SPINK5: variants seen among roughly 807,000 people sequenced by gnomAD.
SPINK5 encodes serine protease inhibitor Kazal-type 5.
SPINK5 carries 125 observed loss-of-function variants against 151.8 expected under a neutral mutation model. The observed-to-expected ratio is 0.82, with a 90% CI of 0.71 to 0.96. The LOEUF (loss-of-function observed/expected upper bound fraction) is 0.96, where lower values mean the gene tolerates loss of function less well. Ranked by LOEUF, SPINK5 falls within the 40% of genes least tolerant of loss-of-function variation. The pLI is 0.00. For missense variants in SPINK5, 1,194 were observed against 1,291.9 expected, an observed-to-expected ratio of 0.92 and a Z score of 1.16; for synonymous variants, 374 against 395.3, an observed-to-expected ratio of 0.95 and a Z score of 0.64.
intron 25 of SPINK5, 34 bp from the exon 26 acceptor site, chr5:148,120,261 C>CT: frequency 6.2e-7 from 1 of 1,604,974 alleles, no homozygotes; most frequent in Non-Finnish European, 8.5e-7. Flanking sequence ...CGTTTGTTCA[C>CT]TTTGATTGAA....
chr5:148,072,259 G>T (rs1278354653), intron 4 of SPINK5, 39 bp downstream of exon 4: 1 of 1,587,108 alleles, frequency 6.3e-7, no homozygotes, highest in Non-Finnish European at 8.6e-7. Context: ...CTTTTGAGAG[G>T]ATGTTTGACT....
intron 27 of SPINK5, 50 bp downstream of exon 27, chr5:148,124,010 G>T (rs1190446762): frequency 3.4e-5 from 54 of 1,607,942 alleles, no homozygotes; most frequent in Non-Finnish European, 4.4e-5. Flanking sequence ...CTGTTTGCTA[G>T]AAATTAGTTT....
At position 148,125,840 on chromosome 5, in the gene SPINK5, A is replaced by G. The variant is rs1470686508; in HGVS notation, c.2857A>G (p.Arg953Gly). Reference protein sequence around the residue: ...KFYTNKCYMCRAVFLTEALER... With the variant: ...KFYTNKCYMCGAVFLTEALER... ...CTATACAAACAAGTGCTACATGTGCAGAGCTGTCTTGTGAGTAAGAGGATT... is the reference window on the plus strand; with the variant it reads ...CTATACAAACAAGTGCTACATGTGCGGAGCTGTCTTGTGAGTAAGAGGATT... Residue 953 changes from arginine (R) to glycine (G), a missense_variant, in exon 29 of 33, where the codon AGA (arginine) becomes GGA (glycine). Coordinates refer to ENST00000256084, the MANE Select transcript of SPINK5 (RefSeq NM_006846.4). 1 of 1,614,112 alleles carries G rather than the reference A, an allele frequency of 6.2e-7. No individual in the cohort carries two copies. Among genetic ancestry groups the G allele is most frequent in the African/African-American group, 1.3e-5 (1 of 74,944 alleles).
At chr5:148,078,548 AATAAATTTTAATATATTAAAATCATATAT>A (rs1488319330) in intron 4 of SPINK5, among the ~76,000 whole-genome samples, 1 of 150,934 alleles carries the variant, frequency 6.6e-6, no homozygotes, top group Non-Finnish European at 1.5e-5. Context: ...GTACAAACAT[AATAAATTTTAATATATTAAAATCATATAT>A]AGTATTTTTT....
chr5:148,099,342 T>A, intron 12 of SPINK5, 27 bp downstream of exon 12: 1 of 1,600,304 alleles, frequency 6.2e-7, no homozygotes, highest in Non-Finnish European at 8.6e-7. Flanking sequence ...CAATAAATCC[T>A]ATTTGGTGCT....
rs1276359396 is a variant in SPINK5, at chr5:148,108,846, T to C, written c.1692+9T>C. 1 of 1,611,896 alleles carries C rather than the reference T, an allele frequency of 6.2e-7. No homozygotes were observed. Among genetic ancestry groups the C allele is most frequent in the Admixed American group, 1.7e-5 (1 of 59,926 alleles). The stretch of plus-strand genomic sequence containing the variant: ...AGAGAGAAGCAGTTCAGGTAGTTGT[T>C]TGAGATCATCAGAGCCACATAAATA... On this transcript the variant is annotated intron_variant, in intron 18 of 32. Coordinates refer to ENST00000256084, the MANE Select transcript of SPINK5 (RefSeq NM_006846.4).
Position 148,086,443 on chromosome 5 carries a change from G to A in SPINK5, c.321G>A (p.Gly107=). 2.5e-6 allele frequency: 4 copies of A among 1,611,628 alleles called. No homozygotes were observed. Among genetic ancestry groups the A allele is most frequent in the Non-Finnish European group, 3.4e-6 (4 of 1,178,650 alleles). ...CDDFKKGERD[G]DFICPDYYEA... Reference sequence around the variant, plus strand: ...ATTTTAAAAAAGGAGAAAGAGATGGGGATTTTATCTGTCCTGATTATTATG... The same window carrying A: ...ATTTTAAAAAAGGAGAAAGAGATGGAGATTTTATCTGTCCTGATTATTATG... Residue 107 remains glycine (G), a synonymous_variant, in exon 5 of 33, where the codon GGG becomes GGA. Coordinates refer to ENST00000256084, the MANE Select transcript of SPINK5 (RefSeq NM_006846.4).
chr5:148,071,161 G>A (rs181510063), intron 3 of SPINK5, among the ~76,000 whole-genome samples: 3 of 152,182 alleles, frequency 2.0e-5, no homozygotes, highest in African/African-American at 4.8e-5. Flanking sequence ...GAAAAGGAAG[G>A]TTAGCCTCAA....
intron 4 of SPINK5, among the ~76,000 whole-genome samples, chr5:148,079,144 A>G (rs951795792): frequency 3.3e-5 from 5 of 151,040 alleles, no homozygotes; most frequent in African/African-American, 1.2e-4. Flanking sequence ...ATTATGAAAA[A>G]TATTATGCCA....
In SPINK5 at chr5:148,086,674, AC is replaced by A. The variant is rs1753164451; in HGVS notation, c.410+143del. On this transcript the variant is annotated intron_variant, in intron 5 of 32. Transcript: ENST00000256084. ...CTAAATTATTAGTACCACTTCTTTTACTACTCTTAAGACAAATAAAGGTGTA... is the reference window on the plus strand; with the variant it reads ...CTAAATTATTAGTACCACTTCTTTTATACTCTTAAGACAAATAAAGGTGTA... 1.1e-5 allele frequency: 12 copies of A among 1,058,704 alleles called. No individual in the cohort carries two copies. In the South Asian group the frequency reaches 1.9e-4, roughly 17 times the overall value. The allele number at this position is 1,058,704 out of a possible 1,614,324, so 65.6% of individuals were successfully genotyped here.
At chr5:148,105,488 C>G (rs570458624) in intron 16 of SPINK5, among the ~76,000 whole-genome samples, 1 of 152,300 alleles carries the variant, frequency 6.6e-6, no homozygotes, top group Non-Finnish European at 1.5e-5. Context: ...GGGCCTCTGA[C>G]TTTCCAGTTA....
In SPINK5 at chr5:148,137,169, A is replaced by G; in HGVS notation, c.*178A>G. On this transcript the variant is annotated 3_prime_UTR_variant, in exon 33 of 33. Transcript: ENST00000256084. ...CAGTCTTTTCCATCTCTTTCCTCCT[A>G]GACTCTGTGATCTGAGGGTATAAAG... 1.3e-6 allele frequency: 1 copy of G among 784,444 alleles called. No homozygotes were observed. Among genetic ancestry groups the G allele is most frequent in the African/African-American group, 1.7e-5 (1 of 57,838 alleles). The allele number at this position is 784,444 out of a possible 1,614,324, so 48.6% of individuals were successfully genotyped here. A position where few individuals can be genotyped will look rare whatever the true frequency, so the allele number is the denominator to read the frequency against.
intron 21 of SPINK5, 120 bp from the exon 22 acceptor site, chr5:148,116,250 T>C (rs188622635): frequency 1.5e-4 from 152 of 989,210 alleles, no homozygotes; most frequent in Admixed American, 6.2e-4. Flanking sequence ...ATAGTAGATG[T>C]TAACTCAATG....
rs189675926 is a variant in SPINK5 at position 148,091,439 on chromosome 5, G to A, written c.666+211G>A. ...GCATTTCCTACCTAAGGCCCAAAAT[G>A]TGCAGTTTCCACCTGTGTTTCTCCA... On this transcript the variant is annotated intron_variant, in intron 8 of 32. Coordinates refer to ENST00000256084, the MANE Select transcript of SPINK5 (RefSeq NM_006846.4). 2.8e-3 allele frequency among the ~76,000 whole-genome samples: 429 copies of A among 151,750 alleles called. 2 individuals carry two copies. The highest frequency in any genetic ancestry group is 0.01 in the African/African-American group (415 of 41,432).
chr5:148,094,757 CTGTT>C (rs1384036442), intron 9 of SPINK5, among the ~76,000 whole-genome samples: 3 of 151,972 alleles, frequency 2.0e-5, no homozygotes, highest in South Asian at 2.1e-4. Flanking sequence ...CTATGTGAAA[CTGTT>C]TGTGAACTAA....
chr5:148,124,032 A>G, intron 27 of SPINK5, 72 bp downstream of exon 27: 1 of 1,556,880 alleles, frequency 6.4e-7, no homozygotes, highest in East Asian at 2.3e-5. Flanking sequence ...TGTTACTTTT[A>G]AAACCTAAGA....
chr5:148,133,801 C>A lies in SPINK5; in HGVS notation c.3100C>A (p.Arg1034Ser). The A allele has an allele frequency of 6.2e-7, 1 of 1,613,798 alleles. No homozygotes were observed. The highest frequency in any genetic ancestry group is 1.7e-4 in the Middle Eastern group (1 of 5,956). Residue 1034 changes from arginine to serine, a missense_variant, in exon 32 of 33, where the codon CGC becomes AGC. Transcript: ENST00000256084. ...PCMLCHENLI[R>S]QTNTHIRSTG... ...GCATCCTCTGATCTGTTTTAGGATA[C>A]GCCAAACAAATACACACATCCGCAG...
Position 148,111,963 on chromosome 5 carries a change from G to A in SPINK5, c.1820+68G>A, listed in dbSNP as rs529550006. 1.0e-4 allele frequency: 168 copies of A among 1,612,018 alleles called. 2 individuals are homozygous for A. In the South Asian group the frequency reaches 1.7e-3, roughly 16 times the overall value. On this transcript the variant is annotated intron_variant, in intron 19 of 32. Transcript: ENST00000256084. ...GATCAGCATCGGGTGGGCAAGAGGG[G>A]TGACATTGGAAGTTTTCTCCAGGAG...
At chr5:148,074,524 T>A (rs75387773) in intron 4 of SPINK5, among the ~76,000 whole-genome samples, 5,140 of 151,954 alleles carry the variant, frequency 0.034, 148 homozygotes, top group East Asian at 0.13. Context: ...GAGGTCCCTC[T>A]TTTTTCAGAT....
Sources: allele counts gnomAD v4.1 joint callset (sites outside exome capture counted in the v4.1 genomes callset), GRCh38; gene constraint gnomAD v4.1.1; transcripts MANE v1.5; gene names NCBI Gene and HGNC (gene_info 2026-07-23, HGNC 2026-07-21).